GBE1: variants seen among roughly 807,000 people sequenced by gnomAD.
GBE1 encodes 1,4-alpha-glucan branching enzyme 1, also known as 1,4-alpha-glucan-branching enzyme.
In GBE1, 70 loss-of-function variants were observed where a neutral mutation model predicts 88.8. The observed-to-expected ratio is 0.79, with a 90% CI of 0.65 to 0.96. The LOEUF is 0.96. Among genes scored for constraint, GBE1 ranks in the 40% least tolerant of loss-of-function variants. The pLI, the probability that GBE1 is intolerant of heterozygous loss-of-function variation, is 0.00. For synonymous variants in GBE1, 284 were observed against 300.1 expected (o/e 0.95, Z 0.56); for missense variants, 872 against 871.0 (o/e 1.00, Z -0.01).
At chr3:81,756,583 C>G (rs1240135689) in intron 1 of GBE1, among the ~76,000 whole-genome samples, 2 of 152,122 alleles carry the variant, frequency 1.3e-5, no homozygotes, top group Non-Finnish European at 2.9e-5. Flanking sequence ...AACTGTATTA[C>G]AGTGGATGAG....
At chr3:81,592,109 A>T (rs115708215) in intron 8 of GBE1, among the ~76,000 whole-genome samples, 1 of 152,124 alleles carries the variant, frequency 6.6e-6, no homozygotes, top group African/African-American at 2.4e-5. Context: ...AATTGACACA[A>T]CTGTCACCAC....
intron 12 of GBE1, among the ~76,000 whole-genome samples, chr3:81,577,311 C>T (rs1293651160): frequency 6.6e-6 from 1 of 152,086 alleles, no homozygotes; most frequent in Non-Finnish European, 1.5e-5. Context: ...TTTCTCTAGT[C>T]TAAAAGCTGT....
At chr3:81,732,220 A>T (rs991961466) in intron 1 of GBE1, among the ~76,000 whole-genome samples, 3 of 152,204 alleles carry the variant, frequency 2.0e-5, no homozygotes, top group Non-Finnish European at 4.4e-5. Context: ...AATGAAATAG[A>T]AAGGCTGCTA....
intron 1 of GBE1, among the ~76,000 whole-genome samples, chr3:81,748,736 G>A (rs184165096): frequency 5.2e-4 from 79 of 150,672 alleles, no homozygotes; most frequent in Non-Finnish European, 9.3e-4. Flanking sequence ...GAGGCCGGGC[G>A]CAGTGGCTCA....
chr3:81,700,476 T>C (rs1432197411), intron 2 of GBE1, among the ~76,000 whole-genome samples: 1 of 152,186 alleles, frequency 6.6e-6, no homozygotes, highest in African/African-American at 2.4e-5. Flanking sequence ...AGTTTTTGTA[T>C]TGTAATTATT....
At chr3:81,631,726 A>G (rs1277310808) in intron 7 of GBE1, among the ~76,000 whole-genome samples, 1 of 151,100 alleles carries the variant, frequency 6.6e-6, no homozygotes, top group Non-Finnish European at 1.5e-5. Context: ...CAGCCTGGCA[A>G]CAGAGCAAGA....
At chr3:81,734,290 G>A (rs901005062) in intron 1 of GBE1, among the ~76,000 whole-genome samples, 4 of 151,962 alleles carry the variant, frequency 2.6e-5, no homozygotes, top group Non-Finnish European at 4.4e-5. Flanking sequence ...AAGTCAAAAC[G>A]CTACAGAGAA....
At chr3:81,613,620 A>C (rs549184378) in intron 7 of GBE1, among the ~76,000 whole-genome samples, 1 of 152,246 alleles carries the variant, frequency 6.6e-6, no homozygotes, top group African/African-American at 2.4e-5. Flanking sequence ...CAGTGGGTTA[A>C]GTGGGCATTT....
chr3:81,556,681 A>G (rs1000434456), intron 12 of GBE1, among the ~76,000 whole-genome samples: 4 of 152,136 alleles, frequency 2.6e-5, no homozygotes, highest in African/African-American at 7.2e-5. Flanking sequence ...ATAAACATCA[A>G]GAAGGTAAAC....
intron 7 of GBE1, among the ~76,000 whole-genome samples, chr3:81,607,674 CATA>C (rs1299830243): frequency 2.0e-5 from 3 of 151,982 alleles, no homozygotes; most frequent in Non-Finnish European, 4.4e-5. Flanking sequence ...ATTTCTTTTG[CATA>C]ATATTACCTT....
rs150064340 is a variant in GBE1, at chr3:81,509,013, A to T, written c.1935-9786T>A. 4.6e-5 allele frequency among the ~76,000 whole-genome samples: 7 copies of T among 152,248 alleles called. No individual in the cohort carries two copies. The East Asian group carries it at 1.4e-3, about 29-fold the overall frequency. ...TATGTAGCACTGGGAAAAGTACTCA[A>T]ATTACTAGCTGCTGTGGCTATTATT... On this transcript the variant is annotated intron_variant, in intron 14 of 15. Transcript: ENST00000429644.
intron 2 of GBE1, among the ~76,000 whole-genome samples, chr3:81,675,989 T>C (rs951913837): frequency 6.6e-6 from 1 of 152,160 alleles, no homozygotes; most frequent in African/African-American, 2.4e-5. Flanking sequence ...TTTATGATGA[T>C]CCACTTTCAC....
At chr3:81,491,270 C>G (rs1576117793) in intron 15 of GBE1, among the ~76,000 whole-genome samples, 1 of 152,156 alleles carries the variant, frequency 6.6e-6, no homozygotes, top group African/African-American at 2.4e-5. Flanking sequence ...ATCATGGCAG[C>G]TTTTTCGTTT....
chr3:81,731,317 A>G (rs1706182529), intron 1 of GBE1, among the ~76,000 whole-genome samples: 1 of 152,134 alleles, frequency 6.6e-6, no homozygotes, highest in South Asian at 2.1e-4. Flanking sequence ...GCTACTATCA[A>G]AATGGATGAC....
At chr3:81,714,425 C>A (rs1190952083) in intron 1 of GBE1, among the ~76,000 whole-genome samples, 1 of 152,096 alleles carries the variant, frequency 6.6e-6, no homozygotes, top group South Asian at 2.1e-4. Flanking sequence ...TGTACCTAAA[C>A]TTTTTAGCAC....
chr3:81,683,919 T>C (rs1053914926), intron 2 of GBE1, among the ~76,000 whole-genome samples: 2 of 152,108 alleles, frequency 1.3e-5, no homozygotes, highest in Non-Finnish European at 2.9e-5. Flanking sequence ...AAAGGCCATC[T>C]CAAAACTAAT....
chr3:81,663,857 C>T (rs1251644025), intron 3 of GBE1, among the ~76,000 whole-genome samples: 1 of 152,106 alleles, frequency 6.6e-6, no homozygotes, highest in African/African-American at 2.4e-5. Flanking sequence ...CCCCATCGCG[C>T]GCCCTGTGAG....
At chr3:81,707,925 CCCTTAATA>C in intron 1 of GBE1, among the ~76,000 whole-genome samples, 6 of 57,786 alleles carry the variant, frequency 1.0e-4, no homozygotes, top group Admixed American at 9.0e-4. Context: ...GAATGATATA[CCCTTAATA>C]TCAGTGGGAT....
chr3:81,561,982 T>G (rs1360194473), intron 12 of GBE1, among the ~76,000 whole-genome samples: 2 of 152,096 alleles, frequency 1.3e-5, no homozygotes, highest in Admixed American at 6.6e-5. Flanking sequence ...AAATATTGGT[T>G]TCGTGATCTT....
Sources: allele counts gnomAD v4.1 joint callset (sites outside exome capture counted in the v4.1 genomes callset), GRCh38; gene constraint gnomAD v4.1.1; transcripts MANE v1.5; gene names NCBI Gene and HGNC (gene_info 2026-07-23, HGNC 2026-07-21).